Variants in PLEKHA8 observed in about 807,000 individuals in gnomAD.
The protein encoded by PLEKHA8 is pleckstrin homology domain-containing family A member 8.
In PLEKHA8, 36 loss-of-function variants were observed where a neutral mutation model predicts 68.2. That is an observed-to-expected ratio of 0.53 (90% CI 0.40 to 0.70). The LOEUF is 0.70. Ranked by LOEUF, PLEKHA8 falls within the 30% of genes least tolerant of loss-of-function variation. PLEKHA8 has a pLI of 0.00. For missense variants in PLEKHA8, 505 were observed against 615.4 expected (o/e 0.82, Z 1.90); for synonymous variants, 211 against 216.1 (o/e 0.98, Z 0.20).
rs1794788949 is a variant in PLEKHA8, at chr7:30,079,081, T to A, written c.*294T>A. 28 of 1,149,914 alleles carry A rather than the reference T, an allele frequency of 2.4e-5. No homozygotes were observed. Among genetic ancestry groups the A allele is most frequent in the Non-Finnish European group, 3.0e-5 (28 of 933,480 alleles). 71.2% of individuals were successfully genotyped at this position (1,149,914 alleles called of 1,614,324 possible). ...ATTTAACAAACAAATTTGCTGTTAT[T>A]GTGTATTGTATTGTTTTTATATTTT... On this transcript the variant is annotated 3_prime_UTR_variant, in exon 14 of 14. Transcript: ENST00000449726.
chr7:30,081,494 C>G lies in PLEKHA8; in HGVS notation c.*2707C>G. 1 of 985,264 alleles carries G rather than the reference C, an allele frequency of 1.0e-6. No homozygotes were observed. Among genetic ancestry groups the G allele is most frequent in the Non-Finnish European group, 1.2e-6 (1 of 829,784 alleles). The allele number at this position is 985,264 out of a possible 1,614,324, so 61.0% of individuals were successfully genotyped here. On this transcript the variant is annotated 3_prime_UTR_variant, in exon 14 of 14. Transcript: ENST00000449726. ...GTTTTAGTTAAAGTCATAATTTGCGCTGATGTGTAATCACTTTCCAAGAAG... is the reference window on the plus strand; with the variant it reads ...GTTTTAGTTAAAGTCATAATTTGCGGTGATGTGTAATCACTTTCCAAGAAG...
chr7:30,028,953 C>T (rs1326124892), intron 1 of PLEKHA8, 151 bp downstream of exon 1: 2 of 938,490 alleles, frequency 2.1e-6, no homozygotes, highest in Non-Finnish European at 2.8e-6. Context: ...GCAGTTCTCT[C>T]ACGGGACCGT....
chr7:30,044,072 T>A (rs1228152989), intron 1 of PLEKHA8, among the ~76,000 whole-genome samples: 3 of 147,276 alleles, frequency 2.0e-5, no homozygotes, highest in Admixed American at 2.0e-4. Flanking sequence ...TCAAAAAAGA[T>A]CTCGGCTCAC....
chr7:30,129,288 G>T (rs772094142), exon 14 of PLEKHA8: 2 of 1,612,430 alleles, frequency 1.2e-6, no homozygotes, highest in African/African-American at 2.7e-5. Context: ...GGGTGTAGAC[G>T]GAACTCCAGA....
Position 30,074,175 on chromosome 7 carries a change from A to G in PLEKHA8, c.1362+43A>G, listed in dbSNP as rs772123549. 8.5e-6 allele frequency: 13 copies of G among 1,536,366 alleles called. No homozygotes were observed. In the Admixed American group the frequency reaches 1.5e-4, roughly 18 times the overall value. On this transcript the variant is annotated intron_variant, in intron 13 of 13. Coordinates refer to ENST00000449726, the MANE Select transcript of PLEKHA8 (RefSeq NM_001197026.2). ...TCTCCTATTATTAACTGTATTGGGT[A>G]TGCCAGTGGCTAGGGCTAGAAATCT...
At chr7:30,052,663 C>T in intron 6 of PLEKHA8, 46 bp from the exon 7 acceptor site, 2 of 1,323,928 alleles carry the variant, frequency 1.5e-6, no homozygotes, top group Non-Finnish European at 2.0e-6. Context: ...AAAAAAAAGA[C>T]CAAATAACGA....
chr7:30,121,259 A>G (rs1403440083), intron 13 of PLEKHA8, among the ~76,000 whole-genome samples: 1 of 152,184 alleles, frequency 6.6e-6, no homozygotes, highest in African/African-American at 2.4e-5. Context: ...TGTCAGGAAG[A>G]CAGTGGTCGG....
At position 30,115,863 on chromosome 7, in the gene PLEKHA8, CACAT is replaced by C. The variant is rs1005251391; in HGVS notation, c.1363-13398_1363-13395del. ...GTATACACGTATGCATACATACGTG[CACAT>C]ACATGTAGGCACGCATACATGCGTA... On this transcript the variant is annotated intron_variant, in intron 13 of 13. Transcript: ENST00000396257. 9 of 147,140 alleles carry C rather than the reference CACAT, an allele frequency of 6.1e-5. No individual in the cohort carries two copies. In the South Asian group the frequency reaches 1.3e-3, roughly 21 times the overall value. The allele number at this position is 147,140 out of a possible 1,614,324, so 9.1% of individuals were successfully genotyped here.
intron 6 of PLEKHA8, chr7:30,050,682 TGGC>T: frequency 1.9e-6 from 1 of 532,314 alleles, no homozygotes; most frequent in Non-Finnish European, 2.9e-6. Context: ...GGGAAGATGT[TGGC>T]ATTTTCCCTA....
Position 30,032,274 on chromosome 7 carries a change from G to A in PLEKHA8, c.40+3472G>A, listed in dbSNP as rs547346738. On this transcript the variant is annotated intron_variant, in intron 1 of 13. Transcript: ENST00000449726. ...CAGGAGTCAGAGAGACCTGAAGCCT[G>A]GCAAACAGCCCTATTACTGCCAACT... Among the ~76,000 whole-genome samples, 4 of 152,296 alleles carry A rather than the reference G, an allele frequency of 2.6e-5. 1 individual carries two copies. Among genetic ancestry groups the A allele is most frequent in the African/African-American group, 9.6e-5 (4 of 41,564 alleles).
intron 1 of PLEKHA8, 25 bp from the exon 2 acceptor site, chr7:30,045,060 A>G (rs745513065): frequency 7.2e-6 from 11 of 1,526,594 alleles, no homozygotes; most frequent in African/African-American, 6.9e-5. Flanking sequence ...AGTAATTGCA[A>G]TGATGCTCTT....
chr7:30,054,955 A>T (rs2127981293), intron 8 of PLEKHA8, 90 bp downstream of exon 8: 1 of 1,273,914 alleles, frequency 7.8e-7, no homozygotes, highest in Non-Finnish European at 1.1e-6. Context: ...GTGATGGCAT[A>T]TTCTAGGAGA....
intron 2 of PLEKHA8, 43 bp from the exon 3 acceptor site, chr7:30,046,167 A>AG: frequency 6.7e-7 from 1 of 1,495,962 alleles, no homozygotes; most frequent in Non-Finnish European, 8.9e-7. Context: ...CTACCCAGAC[A>AG]GGGCTCTTCT....
intron 1 of PLEKHA8, among the ~76,000 whole-genome samples, chr7:30,039,864 CTT>C (rs1490884407): frequency 2.6e-5 from 4 of 152,220 alleles, no homozygotes; most frequent in South Asian, 4.1e-4. Context: ...ATCTAGATGT[CTT>C]TTATTTCACT....
At chr7:30,116,140 A>G (rs1439884652) in intron 13 of PLEKHA8, 2 of 151,644 alleles carry the variant, frequency 1.3e-5, no homozygotes, top group African/African-American at 2.4e-5. Context: ...ACATATGTAT[A>G]CATACGCATA....
At position 30,084,556 on chromosome 7, in the gene PLEKHA8, G is replaced by A; in HGVS notation, c.*5769G>A. On this transcript the variant is annotated 3_prime_UTR_variant, in exon 14 of 14. Transcript: ENST00000449726. ...CTTATTCTCTATCTTGTGGGGAGGG[G>A]TGACAGGGGAGGGTTTTACTTTTTT... is the stretch of plus-strand genomic sequence containing the variant. 1 of 985,124 alleles carries A rather than the reference G, an allele frequency of 1.0e-6. No homozygotes were observed. The highest frequency in any genetic ancestry group is 1.2e-6 in the Non-Finnish European group (1 of 829,704). The allele number at this position is 985,124 out of a possible 1,614,324, so 61.0% of individuals were successfully genotyped here.
intron 13 of PLEKHA8, among the ~76,000 whole-genome samples, chr7:30,113,433 G>T (rs963473488): frequency 6.6e-6 from 1 of 152,132 alleles, no homozygotes; most frequent in Admixed American, 6.6e-5. Flanking sequence ...GTACTGTGCT[G>T]TCAACTTATT....
At chr7:30,114,307 C>T (rs1796360339) in intron 13 of PLEKHA8, among the ~76,000 whole-genome samples, 1 of 152,180 alleles carries the variant, frequency 6.6e-6, no homozygotes, top group Non-Finnish European at 1.5e-5. Context: ...TACAATAACC[C>T]ATTGATATAG....
At chr7:30,108,092 A>AAACAAAAAAAAC (rs1796139933) in intron 13 of PLEKHA8, among the ~76,000 whole-genome samples, 1 of 148,370 alleles carries the variant, frequency 6.7e-6, no homozygotes, top group African/African-American at 2.5e-5. Flanking sequence ...AAAAAAAAAA[A>AAACAAAAAAAAC]CCTACATTCA....
Sources: allele counts gnomAD v4.1 joint callset (sites outside exome capture counted in the v4.1 genomes callset), GRCh38; gene constraint gnomAD v4.1.1; transcripts MANE v1.5; gene names NCBI Gene and HGNC (gene_info 2026-07-23, HGNC 2026-07-21).